Variants in TIMM9 observed in about 807,000 individuals in gnomAD.
The protein encoded by TIMM9 is translocase of inner mitochondrial membrane 9.
Under a neutral mutation model 13.4 loss-of-function variants are expected in TIMM9, and 10 were observed. That is an observed-to-expected ratio of 0.75 (90% CI 0.46 to 1.26). TIMM9 has a LOEUF of 1.26. Among genes scored for constraint, TIMM9 ranks in the 50% most tolerant of loss-of-function variants. TIMM9 has a pLI of 0.00. For missense variants in TIMM9, 87 were observed against 100.8 expected (o/e 0.86, Z 0.58); for synonymous variants, 32 against 32.1 (o/e 1.00, Z 0.01).
rs374460485 is a variant in TIMM9 at position 58,416,028 on chromosome 14, C to G, written c.-26-4057G>C. Among the ~76,000 whole-genome samples the G allele has an allele frequency of 2.8e-5, 4 of 143,230 alleles. 1 individual carries two copies. 94.0% of individuals were successfully genotyped at this position (143,230 alleles called of 152,430 possible). On this transcript the variant is annotated intron_variant, in intron 3 of 5. Coordinates refer to ENST00000395159, the MANE Select transcript of TIMM9 (RefSeq NM_012460.4). ...GTCAGGAGTTCATGACCAGCCTGGT[C>G]AACATGGTGAAACCCCGTCCCTACT...
chr14:58,421,211 C>G (rs1400981325), intron 3 of TIMM9, among the ~76,000 whole-genome samples: 2 of 152,110 alleles, frequency 1.3e-5, no homozygotes, highest in Non-Finnish European at 2.9e-5. Context: ...TTGCAAAAGC[C>G]TGGAAAATTC....
intron 3 of TIMM9, among the ~76,000 whole-genome samples, chr14:58,413,999 T>A (rs539763999): frequency 1.3e-5 from 1 of 76,264 alleles, no homozygotes; most frequent in Admixed American, 2.5e-4. Context: ...AGAGTGAGAT[T>A]CCGTCTCAGA....
rs370252022 is a variant in TIMM9 at position 58,412,207 on chromosome 14, A to C, written c.-26-236T>G. On this transcript the variant is annotated intron_variant, in intron 3 of 5. Transcript: ENST00000395159. The stretch of plus-strand genomic sequence containing the variant: ...CACCAGGCTGGAGCGCAGTGGCGCC[A>C]TCTTGGCTCACTGCAACCTCTGCCT... 16 of 364,570 alleles carry C rather than the reference A, an allele frequency of 4.4e-5. 1 individual carries two copies. The highest frequency in any genetic ancestry group is 2.8e-4 in the South Asian group (9 of 31,920). 22.6% of individuals were successfully genotyped at this position (364,570 alleles called of 1,614,324 possible).
chr14:58,413,182 T>C (rs150603833), intron 3 of TIMM9, among the ~76,000 whole-genome samples: 136 of 152,278 alleles, frequency 8.9e-4, no homozygotes, highest in African/African-American at 3.0e-3. Flanking sequence ...TCAATTTGAA[T>C]GCTAAATTTT....
chr14:58,410,349 T>C, intron 5 of TIMM9, among the ~76,000 whole-genome samples: 1 of 152,056 alleles, frequency 6.6e-6, no homozygotes, highest in East Asian at 1.9e-4. Flanking sequence ...TGCTGGGAGT[T>C]CAAAGTTACA....
intron 3 of TIMM9, among the ~76,000 whole-genome samples, chr14:58,417,308 AAAAAGAAAAGAAAGAGAG>A (rs1268672371): frequency 6.6e-6 from 1 of 151,822 alleles, no homozygotes; most frequent in Admixed American, 6.6e-5. Flanking sequence ...CTCTCTCCAA[AAAAAGAAAAGAAAGAGAG>A]AAAAGAAAAG....
chr14:58,421,601 G>T (rs1437569263), intron 3 of TIMM9, among the ~76,000 whole-genome samples: 1 of 152,076 alleles, frequency 6.6e-6, no homozygotes, highest in Non-Finnish European at 1.5e-5. Context: ...GAAAAAAAAT[G>T]TTATTGTATA....
Position 58,424,078 on chromosome 14 carries a change from A to G in TIMM9, c.-97T>C, listed in dbSNP as rs964220716. Reference sequence around the variant, plus strand: ...TCCAACCTTTGCTTGAATGTCTCCAATAAGGCCTGATTCTTACCTGAAAAA... The same window carrying G: ...TCCAACCTTTGCTTGAATGTCTCCAGTAAGGCCTGATTCTTACCTGAAAAA... On this transcript the variant is annotated 5_prime_UTR_variant, in exon 3 of 6. Transcript: ENST00000395159. The G allele has an allele frequency of 2.6e-5, 4 of 152,186 alleles. No homozygotes were observed. The highest frequency in any genetic ancestry group is 4.4e-5 in the Non-Finnish European group (3 of 68,032). The allele number at this position is 152,186 out of a possible 1,614,324, so 9.4% of individuals were successfully genotyped here. A position where few individuals can be genotyped will look rare whatever the true frequency, so the allele number is the denominator to read the frequency against.
chr14:58,415,257 A>C (rs1050086188), intron 3 of TIMM9, among the ~76,000 whole-genome samples: 1 of 152,238 alleles, frequency 6.6e-6, no homozygotes, highest in Non-Finnish European at 1.5e-5. Context: ...AGATAAAATG[A>C]TTAAATAACA....
intron 3 of TIMM9, among the ~76,000 whole-genome samples, chr14:58,420,601 T>G (rs1489022011): frequency 6.6e-6 from 1 of 152,054 alleles, no homozygotes; most frequent in African/African-American, 2.4e-5. Flanking sequence ...GAGACTAGCC[T>G]GGCCAACGTG....
At chr14:58,426,859 T>C (rs1272963220) in intron 2 of TIMM9, among the ~76,000 whole-genome samples, 195 bp downstream of exon 2, 1 of 152,154 alleles carries the variant, frequency 6.6e-6, no homozygotes, top group Non-Finnish European at 1.5e-5. Flanking sequence ...CTAAAGTTCC[T>C]ACCCTCGCCC....
intron 2 of TIMM9, among the ~76,000 whole-genome samples, chr14:58,425,339 A>T (rs1326390568): frequency 6.6e-6 from 1 of 152,002 alleles, no homozygotes; most frequent in Non-Finnish European, 1.5e-5. Context: ...TGAACCCAGG[A>T]GGCAGAGGTT....
intron 3 of TIMM9, among the ~76,000 whole-genome samples, chr14:58,420,793 C>CAA (rs71107945): frequency 5.2e-5 from 3 of 57,474 alleles, no homozygotes; most frequent in Admixed American, 2.0e-4. Context: ...AAATCCATCT[C>CAA]AAAAAAAAAA....
intron 3 of TIMM9, among the ~76,000 whole-genome samples, chr14:58,420,282 C>T (rs2036548492): frequency 6.6e-6 from 1 of 151,892 alleles, no homozygotes; most frequent in South Asian, 2.1e-4. Flanking sequence ...AAGCTACAGA[C>T]CAGGAGGAAA....
chr14:58,422,011 T>C (rs2036600699), intron 3 of TIMM9, among the ~76,000 whole-genome samples: 2 of 143,876 alleles, frequency 1.4e-5, no homozygotes, highest in South Asian at 4.3e-4. Flanking sequence ...CCAAAATCTG[T>C]TCTTTTTTTT....
intron 3 of TIMM9, among the ~76,000 whole-genome samples, chr14:58,413,046 C>A (rs1474103186): frequency 2.0e-5 from 3 of 152,102 alleles, no homozygotes; most frequent in African/African-American, 7.2e-5. Flanking sequence ...TCGAATACAT[C>A]AAAAATATCA....
chr14:58,409,285 T>G, intron 5 of TIMM9, 117 bp from the exon 6 acceptor site: 1 of 1,121,808 alleles, frequency 8.9e-7, no homozygotes, highest in Non-Finnish European at 1.3e-6. Flanking sequence ...ATCTGAGAAT[T>G]AAATAGTACT....
At chr14:58,418,556 G>A (rs1220389219) in intron 3 of TIMM9, among the ~76,000 whole-genome samples, 5 of 152,078 alleles carry the variant, frequency 3.3e-5, no homozygotes, top group Admixed American at 1.3e-4. Flanking sequence ...ATGCAAAATC[G>A]AAAGAATCTA....
At chr14:58,409,511 G>C (rs1422706410) in intron 5 of TIMM9, among the ~76,000 whole-genome samples, 1 of 152,106 alleles carries the variant, frequency 6.6e-6, no homozygotes, top group Non-Finnish European at 1.5e-5. Flanking sequence ...CCAGTAGTAA[G>C]TTTGTTCCTT....
Sources: allele counts gnomAD v4.1 joint callset (sites outside exome capture counted in the v4.1 genomes callset), GRCh38; gene constraint gnomAD v4.1.1; transcripts MANE v1.5; gene names NCBI Gene and HGNC (gene_info 2026-07-23, HGNC 2026-07-21).